The following CCDC191 variants were observed in gnomAD, a reference collection of about 807,000 sequenced individuals.
CCDC191 encodes the protein coiled-coil domain containing 191.
In CCDC191, 99 loss-of-function variants were observed where a neutral mutation model predicts 114.0. The ratio of observed to expected loss-of-function variants is 0.87; its 90% CI spans 0.74 to 1.03. The LOEUF (loss-of-function observed/expected upper bound fraction) is 1.03. Among genes scored for constraint, CCDC191 ranks in the 50% least tolerant of loss-of-function variants. CCDC191 has a pLI of 0.00. For synonymous variants in CCDC191, 351 were observed against 376.0 expected (o/e 0.93, Z 0.77); for missense variants, 973 against 1,087.0 (o/e 0.90, Z 1.47).
intron 7 of CCDC191, among the ~76,000 whole-genome samples, chr3:114,027,172 CA>C (rs2076332039): frequency 6.6e-6 from 1 of 152,056 alleles, no homozygotes; most frequent in Non-Finnish European, 1.5e-5. Context: ...ATGTTTTTGA[CA>C]AGACATGAAA....
chr3:114,012,803 G>A (rs1474116280), intron 8 of CCDC191, among the ~76,000 whole-genome samples: 1 of 152,168 alleles, frequency 6.6e-6, no homozygotes, highest in Non-Finnish European at 1.5e-5. Context: ...CTGGGGTTTT[G>A]ACTGTCAAGG....
intron 6 of CCDC191, among the ~76,000 whole-genome samples, chr3:114,033,827 G>A (rs961393605): frequency 3.3e-5 from 5 of 152,198 alleles, no homozygotes; most frequent in Non-Finnish European, 5.9e-5. Flanking sequence ...ACTTGAAGAA[G>A]TAAAGCACAT....
At chr3:114,051,025 A>G (rs1351487185) in intron 2 of CCDC191, among the ~76,000 whole-genome samples, 4 of 152,136 alleles carry the variant, frequency 2.6e-5, no homozygotes, top group African/African-American at 9.7e-5. Context: ...AATCACCAAC[A>G]TCTCAGCCTT....
At position 113,975,028 on chromosome 3, in the gene CCDC191, A is replaced by C. The variant is rs181622045; in HGVS notation, c.2606+3158T>G. On this transcript the variant is annotated intron_variant, in intron 16 of 16. Coordinates refer to ENST00000295878, the MANE Select transcript of CCDC191 (RefSeq NM_020817.2). ...TTAAGTCACCAAGGTAAGGGTTCTT[A>C]AGCTGGGTCCCATAAACTCCTTGAC... 1.2e-4 allele frequency among the ~76,000 whole-genome samples: 18 copies of C among 152,296 alleles called. No individual in the cohort carries two copies. In the East Asian group the frequency reaches 2.9e-3, roughly 24 times the overall value.
chr3:114,046,519 TCTACTTTGAAATGCATCATGGGTTATG>T, intron 3 of CCDC191, 45 bp downstream of exon 3: 1 of 952,844 alleles, frequency 1.0e-6, no homozygotes, highest in South Asian at 1.4e-5. Flanking sequence ...ACTTCCATTC[TCTACTTTGAAATGCATCATGGGTTATG>T]CTTTAAGAAT....
chr3:114,006,619 A>ATAT lies in CCDC191; in HGVS notation c.1414-658_1414-657insATA, dbSNP rs1559903359. On this transcript the variant is annotated intron_variant, in intron 9 of 16. Transcript: ENST00000295878. ...ATATATATATATATATATATATATA[A>ATAT]ATATATATATTTTATATATAAAAAA... Among the ~76,000 whole-genome samples, 108 of 92,466 alleles carry ATAT rather than the reference A, an allele frequency of 1.2e-3. 6 individuals are homozygous for ATAT. The highest frequency in any genetic ancestry group is 3.5e-3 in the African/African-American group (83 of 23,892). 60.7% of individuals were successfully genotyped at this position (92,466 alleles called of 152,430 possible).
chr3:113,994,677 G>A (rs1337639902), intron 13 of CCDC191, among the ~76,000 whole-genome samples: 1 of 149,822 alleles, frequency 6.7e-6, no homozygotes, highest in Non-Finnish European at 1.5e-5. Flanking sequence ...TCGAACTCCT[G>A]AGCTCAAGCG....
At position 113,988,217 on chromosome 3, in the gene CCDC191, C is replaced by T. The variant is rs554597623; in HGVS notation, c.2164-7424G>A. On this transcript the variant is annotated intron_variant, in intron 13 of 16. Transcript: ENST00000295878. The stretch of plus-strand genomic sequence containing the variant: ...TGATAGATTTTAATCCAGTTGTGGC[C>T]GGGTGCAGTGGCTCACGCCTGTAAT... Among the ~76,000 whole-genome samples the T allele has an allele frequency of 6.6e-5, 10 of 151,696 alleles. No individual in the cohort carries two copies. The East Asian group carries it at 1.6e-3, about 24-fold the overall frequency.
At chr3:114,013,752 T>G (rs2076112909) in intron 8 of CCDC191, among the ~76,000 whole-genome samples, 1 of 152,148 alleles carries the variant, frequency 6.6e-6, no homozygotes. Flanking sequence ...GAATAGGAAT[T>G]TAAGTATGAA....
intron 2 of CCDC191, among the ~76,000 whole-genome samples, chr3:114,051,848 G>A (rs1164491206): frequency 1.3e-5 from 2 of 152,164 alleles, no homozygotes; most frequent in Non-Finnish European, 2.9e-5. Flanking sequence ...ACAGAGAAGT[G>A]AACAAGGAAG....
chr3:114,035,159 A>ATTT lies in CCDC191; in HGVS notation c.595-12_595-11insAAA. Reference sequence around the variant, plus strand: ...GCGATTTTCTTTTACCTTAAAGCAAATATAATAAAGATGAAGTGTGGCCTT... The same window carrying ATTT: ...GCGATTTTCTTTTACCTTAAAGCAAATTTTATAATAAAGATGAAGTGTGGCCTT... On this transcript the variant is annotated splice_polypyrimidine_tract_variant and intron_variant, in intron 5 of 16. Coordinates refer to ENST00000295878, the MANE Select transcript of CCDC191 (RefSeq NM_020817.2). 6.3e-7 allele frequency: 1 copy of ATTT among 1,592,888 alleles called. No individual in the cohort carries two copies. The highest frequency in any genetic ancestry group is 8.6e-7 in the Non-Finnish European group (1 of 1,163,328).
intron 13 of CCDC191, among the ~76,000 whole-genome samples, chr3:113,981,419 C>T (rs906564030): frequency 2.8e-4 from 43 of 151,992 alleles, no homozygotes; most frequent in Non-Finnish European, 4.7e-4. Flanking sequence ...ACTTAATGAT[C>T]GACCCTATAG....
chr3:114,056,267 T>G lies in CCDC191; in HGVS notation c.90+110A>C, dbSNP rs527266779. 6.5e-5 allele frequency: 66 copies of G among 1,009,944 alleles called. 1 individual carries two copies. The South Asian group carries it at 8.4e-4, about 13-fold the overall frequency. The allele number at this position is 1,009,944 out of a possible 1,614,324, so 62.6% of individuals were successfully genotyped here. ...CTTTGGGGCGGTCAAGGCAGGGGCG[T>G]GTCAGCTCAGGATGAAGAGGCAGGA... On this transcript the variant is annotated intron_variant, in intron 1 of 16. Transcript: ENST00000295878.
Position 114,055,735 on chromosome 3 carries a change from T to C in CCDC191, c.90+642A>G, listed in dbSNP as rs944861303. Reference sequence around the variant, plus strand: ...CACGGTGCAACTGTGACTTTGCACATGTCACATATGTTTCAAGTTTAAAAT... The same window carrying C: ...CACGGTGCAACTGTGACTTTGCACACGTCACATATGTTTCAAGTTTAAAAT... On this transcript the variant is annotated intron_variant, in intron 1 of 16. Coordinates refer to ENST00000295878, the MANE Select transcript of CCDC191 (RefSeq NM_020817.2). Among the ~76,000 whole-genome samples, 5 of 152,362 alleles carry C rather than the reference T, an allele frequency of 3.3e-5. 1 individual carries two copies. Among genetic ancestry groups the C allele is most frequent in the Admixed American group, 2.6e-4 (4 of 15,312 alleles).
At chr3:113,981,566 G>T (rs1267905864) in intron 13 of CCDC191, among the ~76,000 whole-genome samples, 1 of 152,202 alleles carries the variant, frequency 6.6e-6, no homozygotes, top group Non-Finnish European at 1.5e-5. Flanking sequence ...AAAGACTGAA[G>T]ACTGCTTTCA....
chr3:114,051,485 T>C (rs2076697307), intron 2 of CCDC191, among the ~76,000 whole-genome samples: 1 of 152,206 alleles, frequency 6.6e-6, no homozygotes, highest in African/African-American at 2.4e-5. Context: ...CCCAGCACTT[T>C]GGGAGGCTGA....
At chr3:113,971,678 C>CAT (rs1940836437) in intron 16 of CCDC191, among the ~76,000 whole-genome samples, 2 of 152,058 alleles carry the variant, frequency 1.3e-5, no homozygotes, top group African/African-American at 4.8e-5. Context: ...CAGGCTAATG[C>CAT]TGGCCTGATA....
intron 13 of CCDC191, among the ~76,000 whole-genome samples, chr3:113,991,230 C>CA (rs375843277): frequency 0.15 from 12,290 of 82,304 alleles, 821 homozygotes; most frequent in East Asian, 0.19. Flanking sequence ...AGTGAGACTC[C>CA]AAAAAAAAAA....
rs778688530 is a variant in CCDC191 at position 114,053,572 on chromosome 3, T to A, written c.129+25A>T. ...TATGCTTGACTCTTAATACTCTTTT[T>A]ATTCTAAATTTGAAATATCCTTACC... is the stretch of plus-strand genomic sequence containing the variant. On this transcript the variant is annotated intron_variant, in intron 2 of 16. Coordinates refer to ENST00000295878, the MANE Select transcript of CCDC191 (RefSeq NM_020817.2). 591 of 1,464,932 alleles carry A rather than the reference T, an allele frequency of 4.0e-4. 3 individuals carry two copies. The highest frequency in any genetic ancestry group is 4.0e-4 in the South Asian group (33 of 82,644). 90.7% of individuals were successfully genotyped at this position (1,464,932 alleles called of 1,614,324 possible).
Sources: allele counts gnomAD v4.1 joint callset (sites outside exome capture counted in the v4.1 genomes callset), GRCh38; gene constraint gnomAD v4.1.1; transcripts MANE v1.5; gene names NCBI Gene and HGNC (gene_info 2026-07-23, HGNC 2026-07-21).